Variants in ADAM12 observed in about 807,000 individuals in gnomAD.
ADAM12 encodes the protein disintegrin and metalloproteinase domain-containing protein 12.
ADAM12 carries 70 observed loss-of-function variants against 106.4 expected under a neutral mutation model. That is an observed-to-expected ratio of 0.66 (90% CI 0.54 to 0.80). ADAM12 has a LOEUF of 0.80. ADAM12 is among the 30% of genes least tolerant of loss of function. ADAM12 has a pLI of 0.00. For missense variants in ADAM12, 1,010 were observed against 1,171.9 expected, an observed-to-expected ratio of 0.86 and a Z score of 2.02; for synonymous variants, 420 against 433.5, an observed-to-expected ratio of 0.97 and a Z score of 0.39.
At chr10:126,098,075 C>T (rs1955590587) in intron 10 of ADAM12, among the ~76,000 whole-genome samples, 1 of 152,222 alleles carries the variant, frequency 6.6e-6, no homozygotes, top group African/African-American at 2.4e-5. Context: ...GGCGTCCCAA[C>T]AGCTGCATGA....
At chr10:126,193,088 AC>A (rs1199876166) in intron 3 of ADAM12, among the ~76,000 whole-genome samples, 1 of 151,908 alleles carries the variant, frequency 6.6e-6, no homozygotes, top group Non-Finnish European at 1.5e-5. Flanking sequence ...ACATGGTGAA[AC>A]CCCGTCTCTA....
chr10:126,277,887 G>A (rs1369990344), intron 3 of ADAM12, among the ~76,000 whole-genome samples: 2 of 152,062 alleles, frequency 1.3e-5, no homozygotes, highest in Non-Finnish European at 2.9e-5. Context: ...CCGAACTTTC[G>A]GGCTGGCTGT....
intron 1 of ADAM12, among the ~76,000 whole-genome samples, chr10:126,332,872 G>C (rs1188902285): frequency 6.6e-6 from 1 of 152,218 alleles, no homozygotes. Flanking sequence ...ACGTTGGAAT[G>C]CAGAGAAACA....
intron 3 of ADAM12, among the ~76,000 whole-genome samples, chr10:126,186,623 GC>G (rs1957403614): frequency 6.6e-6 from 1 of 152,050 alleles, no homozygotes; most frequent in South Asian, 2.1e-4. Context: ...GAGTGTGGGG[GC>G]AGTGGGCCAT....
chr10:126,269,224 C>G (rs891874775), intron 3 of ADAM12, among the ~76,000 whole-genome samples: 12 of 152,154 alleles, frequency 7.9e-5, no homozygotes, highest in Non-Finnish European at 1.6e-4. Context: ...AGCTTCTTTA[C>G]TGCAAGCTGT....
At chr10:126,135,431 G>T in intron 5 of ADAM12, 153 bp downstream of exon 5, 1 of 688,838 alleles carries the variant, frequency 1.5e-6, no homozygotes, top group South Asian at 1.8e-5. Flanking sequence ...GCAGTGGAGA[G>T]AGGGCCTCCG....
intron 3 of ADAM12, among the ~76,000 whole-genome samples, chr10:126,203,277 G>T (rs1238174493): frequency 1.2e-5 from 1 of 81,514 alleles, no homozygotes. Context: ...TATTTGACAT[G>T]CATATTAATA....
chr10:126,283,109 C>T (rs566552212), intron 2 of ADAM12, among the ~76,000 whole-genome samples: 161 of 152,154 alleles, frequency 1.1e-3, no homozygotes, highest in Non-Finnish European at 2.0e-3. Flanking sequence ...AGATCCCTCA[C>T]GTGCACAGTT....
intron 1 of ADAM12, among the ~76,000 whole-genome samples, chr10:126,346,667 G>T (rs2133879062): frequency 6.6e-6 from 1 of 152,244 alleles, no homozygotes; most frequent in East Asian, 1.9e-4. Context: ...AATTCTCTTT[G>T]TAGGTCTCTA....
At chr10:126,305,482 G>GA (rs1255367518) in intron 2 of ADAM12, among the ~76,000 whole-genome samples, 1 of 152,052 alleles carries the variant, frequency 6.6e-6, no homozygotes, top group Non-Finnish European at 1.5e-5. Flanking sequence ...AAGACTGATT[G>GA]AAAAGGAACA....
intron 3 of ADAM12, among the ~76,000 whole-genome samples, chr10:126,224,746 A>T (rs1164390169): frequency 6.6e-6 from 1 of 152,158 alleles, no homozygotes; most frequent in East Asian, 1.9e-4. Flanking sequence ...CACTGTCACG[A>T]TGTCAGGTCA....
chr10:126,043,282 G>A lies in ADAM12; in HGVS notation c.1996-134C>T, dbSNP rs573314941. The A allele has an allele frequency of 8.6e-6, 7 of 811,740 alleles. No homozygotes were observed. Among genetic ancestry groups the A allele is most frequent in the East Asian group, 2.7e-5 (1 of 37,084 alleles). 50.3% of individuals were successfully genotyped at this position (811,740 alleles called of 1,614,324 possible). A position where few individuals can be genotyped will look rare whatever the true frequency, so the allele number is the denominator to read the frequency against. ...CCAGACTCAGCACACGCCATGGTGC[G>A]AATAAGCCCAAAGCCGGCACTACAC... On this transcript the variant is annotated intron_variant, in intron 17 of 22. Transcript: ENST00000448723. The surrounding 1 kb of genome is among the most constrained non-coding windows in gnomAD (Gnocchi z 4.1).
intron 12 of ADAM12, among the ~76,000 whole-genome samples, chr10:126,067,769 C>T (rs942912823): frequency 2.5e-4 from 38 of 152,166 alleles, no homozygotes; most frequent in African/African-American, 9.2e-4. Context: ...TTATTTTATC[C>T]AGTATATGAT....
At chr10:126,215,786 C>A (rs1324391160) in intron 3 of ADAM12, among the ~76,000 whole-genome samples, 2 of 152,132 alleles carry the variant, frequency 1.3e-5, no homozygotes, top group African/African-American at 2.4e-5. Context: ...GTATTTGTCA[C>A]CCCCGGCACA....
chr10:126,303,783 C>T (rs1960725046), intron 2 of ADAM12, among the ~76,000 whole-genome samples: 1 of 152,110 alleles, frequency 6.6e-6, no homozygotes, highest in South Asian at 2.1e-4. Flanking sequence ...TAAGGTGATG[C>T]CTCACCTTGT....
intron 11 of ADAM12, among the ~76,000 whole-genome samples, chr10:126,081,194 G>A (rs955323725): frequency 6.6e-6 from 1 of 152,096 alleles, no homozygotes; most frequent in Non-Finnish European, 1.5e-5. Flanking sequence ...CAAGCTCAGG[G>A]GCTCACATCT....
chr10:126,261,791 T>C (rs1210196265), intron 3 of ADAM12, among the ~76,000 whole-genome samples: 1 of 142,146 alleles, frequency 7.0e-6, no homozygotes, highest in Non-Finnish European at 1.5e-5. Context: ...TTAATAAGGA[T>C]GGATGGATAG....
At chr10:126,155,028 G>A (rs1956787573) in intron 4 of ADAM12, among the ~76,000 whole-genome samples, 199 bp downstream of exon 4, 1 of 152,126 alleles carries the variant, frequency 6.6e-6, no homozygotes, top group South Asian at 2.1e-4. Context: ...CTCAGGGGCT[G>A]TCTGTGCACA....
intron 5 of ADAM12, among the ~76,000 whole-genome samples, chr10:126,132,194 C>G (rs567168885): frequency 3.9e-5 from 6 of 152,200 alleles, no homozygotes; most frequent in Admixed American, 2.0e-4. Flanking sequence ...AGAATGGTCT[C>G]GATCTCTTGA....
Sources: allele counts gnomAD v4.1 joint callset (sites outside exome capture counted in the v4.1 genomes callset), GRCh38; gene constraint gnomAD v4.1.1; non-coding constraint Gnocchi (gnomAD v3.1); transcripts MANE v1.5; gene names NCBI Gene and HGNC (gene_info 2026-07-23, HGNC 2026-07-21).